The following NR3C1 variants were observed in gnomAD, a reference collection of about 807,000 sequenced individuals.
NR3C1 encodes the protein glucocorticoid receptor.
In NR3C1, 14 loss-of-function variants were observed where a neutral mutation model predicts 74.0. The observed-to-expected ratio is 0.19, with a 90% CI of 0.12 to 0.30. NR3C1 has a LOEUF of 0.30. Among genes scored for constraint, NR3C1 ranks in the 10% least tolerant of loss-of-function variants. The pLI, the probability that NR3C1 is intolerant of heterozygous loss-of-function variation, is 1.00. For missense variants in NR3C1, 695 were observed against 909.8 expected (o/e 0.76, Z 3.04); for synonymous variants, 308 against 332.5 (o/e 0.93, Z 0.80).
At chr5:143,364,990 A>T (rs1832937962) in intron 2 of NR3C1, among the ~76,000 whole-genome samples, 1 of 152,224 alleles carries the variant, frequency 6.6e-6, no homozygotes, top group Non-Finnish European at 1.5e-5. Context: ...TACAGGCATG[A>T]GCCACTGTGC....
At chr5:143,405,280 T>A (rs1048571656), upstream of NR3C1, 3 of 985,762 alleles carry the variant, frequency 3.0e-6, no homozygotes, top group African/African-American at 5.2e-5. Context: ...GGGCGGGGGC[T>A]GCCGCAGCTC....
rs969135560 is a variant in NR3C1 at position 143,280,282 on chromosome 5, T to C, written c.*1607A>G. The stretch of plus-strand genomic sequence containing the variant: ...GCTATTTTACAATCATTTTAATAAA[T>C]TGCATGTAAAGCTGCAGTAGCCCTT... On this transcript the variant is annotated 3_prime_UTR_variant, in exon 9 of 9. Coordinates refer to ENST00000394464, the MANE Select transcript of NR3C1 (RefSeq NM_000176.3). 2.0e-5 allele frequency: 3 copies of C among 152,628 alleles called. No homozygotes were observed. The highest frequency in any genetic ancestry group is 6.6e-5 in the Admixed American group (1 of 15,258). 9.5% of individuals were successfully genotyped at this position (152,628 alleles called of 1,614,324 possible). A position where few individuals can be genotyped will look rare whatever the true frequency, so the allele number is the denominator to read the frequency against.
intron 2 of NR3C1, among the ~76,000 whole-genome samples, chr5:143,369,707 A>T (rs1309727908): frequency 6.6e-6 from 1 of 152,222 alleles, no homozygotes; most frequent in African/African-American, 2.4e-5. Context: ...CTATCCTGCA[A>T]CACACAGAAC....
intron 2 of NR3C1, among the ~76,000 whole-genome samples, chr5:143,360,633 T>C (rs757599701): frequency 2.0e-5 from 3 of 152,168 alleles, no homozygotes; most frequent in African/African-American, 7.2e-5. Context: ...AACATGACAA[T>C]AGAAGAATAC....
intron 2 of NR3C1, among the ~76,000 whole-genome samples, chr5:143,334,673 A>G (rs1282269451): frequency 6.6e-6 from 1 of 152,092 alleles, no homozygotes; most frequent in East Asian, 1.9e-4. Flanking sequence ...AAAGACTTGA[A>G]ATACACATAG....
At chr5:143,302,866 T>TG (rs953706642) in intron 4 of NR3C1, among the ~76,000 whole-genome samples, 11 of 152,088 alleles carry the variant, frequency 7.2e-5, no homozygotes, top group African/African-American at 2.7e-4. Flanking sequence ...CCTGACCCAT[T>TG]GGAGCATATA....
Position 143,320,557 on chromosome 5 carries a change from T to C in NR3C1, c.1185-6389A>G, listed in dbSNP as rs1336635096. The stretch of plus-strand genomic sequence containing the variant: ...TGTCTGTAAAACGAAGGTCTTGATT[T>C]AATTAACTCCAAATAAGCTGGCCAT... On this transcript the variant is annotated intron_variant, in intron 2 of 8. Transcript: ENST00000394464. Among the ~76,000 whole-genome samples, 5 of 152,206 alleles carry C rather than the reference T, an allele frequency of 3.3e-5. No homozygotes were observed. In the East Asian group the frequency reaches 9.6e-4, roughly 29 times the overall value.
exon 1 of NR3C1, chr5:143,434,830 T>C: frequency 2.0e-6 from 2 of 985,434 alleles, no homozygotes; most frequent in East Asian, 2.3e-4. Flanking sequence ...TGACGCAGAT[T>C]CCTTTTTTCA....
chr5:143,434,721 A>G (rs1195749098), exon 1 of NR3C1: 2 of 985,332 alleles, frequency 2.0e-6, no homozygotes, highest in Non-Finnish European at 2.4e-6. Context: ...TATCTGTGGC[A>G]CACAAACTGC....
rs78852952 is a variant in NR3C1 at position 143,296,201 on chromosome 5, A to C, written c.1893-611T>G. Among the ~76,000 whole-genome samples the C allele has an allele frequency of 2.2e-3, 329 of 152,230 alleles. 5 individuals carry two copies. The highest frequency in any genetic ancestry group is 0.013 in the East Asian group (65 of 5,188). ...ACCTATGATTTTCAAATAGGTCTCT[A>C]AAGTTTCCTGACTTGTGAAATGACA... On this transcript the variant is annotated intron_variant, in intron 6 of 8. Coordinates refer to ENST00000394464, the MANE Select transcript of NR3C1 (RefSeq NM_000176.3).
chr5:143,302,324 C>T (rs926497057), intron 4 of NR3C1, among the ~76,000 whole-genome samples: 2 of 152,012 alleles, frequency 1.3e-5, no homozygotes, highest in East Asian at 1.9e-4. Context: ...ATTTGGATAT[C>T]ACAACTTAAT....
At chr5:143,340,423 C>T (rs2151740658) in intron 2 of NR3C1, among the ~76,000 whole-genome samples, 1 of 150,810 alleles carries the variant, frequency 6.6e-6, no homozygotes, top group South Asian at 2.1e-4. Flanking sequence ...CTGGAAGAAC[C>T]TTAGACTTTG....
intron 2 of NR3C1, among the ~76,000 whole-genome samples, chr5:143,378,829 T>C (rs10515522): frequency 0.11 from 15,999 of 152,244 alleles, 1,133 homozygotes; most frequent in Non-Finnish European, 0.16. Flanking sequence ...ATTGTTAATG[T>C]GGAATGATAC....
intron 4 of NR3C1, among the ~76,000 whole-genome samples, chr5:143,307,912 T>G (rs912872246): frequency 6.6e-6 from 1 of 152,194 alleles, no homozygotes; most frequent in Non-Finnish European, 1.5e-5. Flanking sequence ...TCTGTGTGCA[T>G]TTTTTAGTTA....
At chr5:143,423,707 C>T (rs1423388864) in intron 1 of NR3C1, among the ~76,000 whole-genome samples, 1 of 152,108 alleles carries the variant, frequency 6.6e-6, no homozygotes, top group Admixed American at 6.6e-5. Flanking sequence ...ATGGAATCAA[C>T]CTAAGTGTCC....
chr5:143,372,520 T>C (rs1834402597), intron 2 of NR3C1, among the ~76,000 whole-genome samples: 1 of 152,226 alleles, frequency 6.6e-6, no homozygotes, highest in South Asian at 2.1e-4. Flanking sequence ...CTGTAATTTT[T>C]CACTTAATAT....
intron 1 of NR3C1, among the ~76,000 whole-genome samples, chr5:143,402,031 G>C (rs1840378753): frequency 6.6e-6 from 1 of 152,178 alleles, no homozygotes; most frequent in Non-Finnish European, 1.5e-5. Flanking sequence ...TTTCCTATGC[G>C]ATGACGTTAG....
chr5:143,286,538 A>G (rs1254328087), intron 7 of NR3C1, among the ~76,000 whole-genome samples: 1 of 152,166 alleles, frequency 6.6e-6, no homozygotes, highest in Admixed American at 6.6e-5. Flanking sequence ...AAAGCATATG[A>G]TAAAAGTTTT....
chr5:143,400,180 A>C lies in NR3C1; in HGVS notation c.660T>G (p.Asp220Glu). 6.2e-7 allele frequency: 1 copy of C among 1,613,974 alleles called. No homozygotes were observed. The highest frequency in any genetic ancestry group is 1.1e-5 in the South Asian group (1 of 91,080). ...CCAGAGGAGAAAGCAAACAGTTTTC[A>C]TCTATCAACAGGTCTGATCTCCAAG... ...ESPWRSDLLI[D>E]ENCLLSPLAG... Residue 220 changes from aspartate (D) to glutamate (E), a missense_variant, in exon 2 of 9, where the codon GAT (aspartate) becomes GAG (glutamate). Around this residue, in one of 4 missense-constraint regions of NR3C1, gnomAD observed 497 missense variants for 489.5 expected, o/e 1.02. Coordinates refer to ENST00000394464, the MANE Select transcript of NR3C1 (RefSeq NM_000176.3).
Sources: gnomAD v4.1 joint callset for allele counts (sites outside exome capture counted in the v4.1 genomes callset) on GRCh38, gnomAD v4.1.1 for gene constraint, gnomAD v4.1.1 regional missense constraint, MANE v1.5 for transcripts, NCBI Gene and HGNC (gene_info 2026-07-23, HGNC 2026-07-21) for gene names.